TMEM117: variants seen among roughly 807,000 people sequenced by gnomAD.
The protein encoded by TMEM117 is transmembrane protein 117.
A neutral mutation model predicts 52.4 loss-of-function variants in TMEM117; 27 were observed. The ratio of observed to expected loss-of-function variants is 0.51; its 90% confidence interval spans 0.38 to 0.71. The LOEUF (loss-of-function observed/expected upper bound fraction) is 0.71, where lower values mean the gene tolerates loss of function less well. TMEM117 is among the 30% of genes least tolerant of loss of function. TMEM117 has a pLI of 0.00. For missense variants in TMEM117, 556 were observed against 630.5 expected (o/e 0.88, Z 1.26); for synonymous variants, 215 against 206.3 (o/e 1.04, Z -0.36).
the TMEM117 span, among the ~76,000 whole-genome samples, chr12:43,827,512 G>A: frequency 6.6e-6 from 1 of 152,120 alleles, no homozygotes; most frequent in South Asian, 2.1e-4. Context: ...GTACAATGCT[G>A]GAGTAAATGT....
chr12:44,271,522 G>A (rs996676892), intron 5 of TMEM117, among the ~76,000 whole-genome samples: 4 of 152,032 alleles, frequency 2.6e-5, no homozygotes, highest in African/African-American at 9.7e-5. Flanking sequence ...TTTTCAATAC[G>A]TGATGCTAGA....
chr12:43,830,577 T>G, the TMEM117 span, among the ~76,000 whole-genome samples: 1 of 143,912 alleles, frequency 6.9e-6, no homozygotes, highest in Non-Finnish European at 1.5e-5. Context: ...GCCACTGCAC[T>G]CCAGCCTGGG....
chr12:43,824,710 C>T, the TMEM117 span, among the ~76,000 whole-genome samples: 2 of 152,068 alleles, frequency 1.3e-5, no homozygotes, highest in African/African-American at 2.4e-5. Flanking sequence ...CCGAGGCAGG[C>T]GGATCATGAG....
intron 3 of TMEM117, among the ~76,000 whole-genome samples, chr12:44,007,324 C>A (rs7132451): frequency 0.096 from 14,625 of 152,052 alleles, 1,154 homozygotes; most frequent in African/African-American, 0.21. Context: ...GAGTTTCTGA[C>A]CTGTATCATT....
At chr12:43,835,798 C>T (rs1376315905), upstream of TMEM117, among the ~76,000 whole-genome samples, 1 of 151,944 alleles carries the variant, frequency 6.6e-6, no homozygotes, top group Non-Finnish European at 1.5e-5. Context: ...AGGCTCGGCC[C>T]GTGGCGCACG....
At chr12:44,080,464 T>G (rs757549800) in intron 3 of TMEM117, among the ~76,000 whole-genome samples, 21 of 152,194 alleles carry the variant, frequency 1.4e-4, no homozygotes, top group Non-Finnish European at 2.8e-4. Context: ...ACGTGGAGAT[T>G]AGGGGAACTA....
intron 3 of TMEM117, among the ~76,000 whole-genome samples, chr12:44,048,759 C>G (rs74390580): frequency 0.021 from 3,131 of 152,210 alleles, 105 homozygotes; most frequent in African/African-American, 0.07. Flanking sequence ...ATTTGTCACA[C>G]TAGGTGTCAT....
the TMEM117 span, chr12:43,804,562 A>T: frequency 5.6e-6 from 9 of 1,598,498 alleles, no homozygotes; most frequent in Non-Finnish European, 6.8e-6. Context: ...TCTCTTTAAC[A>T]TCTTCACTTG....
chr12:43,879,298 A>G (rs1943854997), intron 2 of TMEM117, among the ~76,000 whole-genome samples: 1 of 152,348 alleles, frequency 6.6e-6, no homozygotes, highest in African/African-American at 2.4e-5. Flanking sequence ...ATTGTATTCA[A>G]TGTCAATGAA....
intron 4 of TMEM117, among the ~76,000 whole-genome samples, chr12:44,180,807 A>C (rs1176691891): frequency 6.6e-6 from 1 of 152,054 alleles, no homozygotes; most frequent in East Asian, 1.9e-4. Context: ...ATGCCGCAAT[A>C]AACATATGTG....
chr12:44,378,443 T>C (rs1942911047), intron 7 of TMEM117, among the ~76,000 whole-genome samples: 1 of 152,186 alleles, frequency 6.6e-6, no homozygotes, highest in East Asian at 1.9e-4. Flanking sequence ...CTCAAAATTA[T>C]ATTCAGTGCC....
chr12:43,951,094 G>A lies in TMEM117; in HGVS notation c.410+6752G>A, dbSNP rs1163600918. Among the ~76,000 whole-genome samples the A allele has an allele frequency of 3.9e-5, 6 of 152,168 alleles. No individual in the cohort carries two copies. In the East Asian group the frequency reaches 5.8e-4, roughly 15 times the overall value. ...CCCTCCCCCAGCCAAGGGAAGTGGC[G>A]GGGGACTGTGCTACCCACCAGGGTT... On this transcript the variant is annotated intron_variant, in intron 3 of 7. Transcript: ENST00000266534.
In TMEM117 at chr12:44,154,623, T is replaced by A. The variant is rs561837718; in HGVS notation, c.510+10999T>A. Among the ~76,000 whole-genome samples the A allele has an allele frequency of 7.9e-5, 12 of 152,062 alleles. No individual in the cohort carries two copies. In the East Asian group the frequency reaches 2.3e-3, roughly 29 times the overall value. On this transcript the variant is annotated intron_variant, in intron 4 of 7. Transcript: ENST00000266534. ...CCTAATTTCTCTTTGACATTTTCAG[T>A]TTGAACGAAAAATAATAGAATCAAG...
chr12:44,165,422 T>C (rs1948952904), intron 4 of TMEM117, among the ~76,000 whole-genome samples: 1 of 152,146 alleles, frequency 6.6e-6, no homozygotes, highest in Non-Finnish European at 1.5e-5. Context: ...TTAAACGATA[T>C]AGATTGGCTG....
At chr12:44,122,620 AT>A (rs1948256089) in intron 3 of TMEM117, among the ~76,000 whole-genome samples, 1 of 152,096 alleles carries the variant, frequency 6.6e-6, no homozygotes, top group Admixed American at 6.5e-5. Context: ...GTGTCCATGC[AT>A]TCTCATCATT....
chr12:44,211,927 T>C (rs1949650890), intron 5 of TMEM117, among the ~76,000 whole-genome samples: 1 of 152,176 alleles, frequency 6.6e-6, no homozygotes, highest in Non-Finnish European at 1.5e-5. Context: ...CGTGAACAAG[T>C]TCAAACAGAA....
intron 3 of TMEM117, among the ~76,000 whole-genome samples, chr12:43,977,850 G>A (rs1749465974): frequency 6.6e-6 from 1 of 152,144 alleles, no homozygotes; most frequent in South Asian, 2.1e-4. Flanking sequence ...GAGAGAAGAT[G>A]TTTAATAACA....
intron 6 of TMEM117, among the ~76,000 whole-genome samples, chr12:44,333,231 G>A (rs944958573): frequency 6.6e-6 from 1 of 152,042 alleles, no homozygotes; most frequent in East Asian, 1.9e-4. Flanking sequence ...ACTGCATGGA[G>A]TAGTGTCATT....
intron 6 of TMEM117, among the ~76,000 whole-genome samples, chr12:44,342,991 C>T (rs1421701821): frequency 6.6e-6 from 1 of 152,042 alleles, no homozygotes; most frequent in East Asian, 1.9e-4. Flanking sequence ...ATTCTCGTGA[C>T]TCGGGTATCT....
Sources: allele counts gnomAD v4.1 joint callset (sites outside exome capture counted in the v4.1 genomes callset), GRCh38; gene constraint gnomAD v4.1.1; transcripts MANE v1.5; gene names NCBI Gene and HGNC (gene_info 2026-07-23, HGNC 2026-07-21).